The following LAMC1 variants were observed in gnomAD, a reference collection of about 807,000 sequenced individuals.
The protein encoded by LAMC1 is laminin subunit gamma-1.
LAMC1 carries 38 observed loss-of-function variants against 173.6 expected under a neutral mutation model. The observed-to-expected ratio is 0.22, with a 90% CI of 0.17 to 0.29. The LOEUF is 0.29. LAMC1 is among the 10% of genes least tolerant of loss of function. The pLI is 1.00. For synonymous variants in LAMC1, 746 were observed against 749.1 expected, an observed-to-expected ratio of 1.00 and a Z score of 0.07; for missense variants, 1,824 against 2,051.8, an observed-to-expected ratio of 0.89 and a Z score of 2.14.
chr1:183,071,077 GT>G (rs1289934635), intron 1 of LAMC1, among the ~76,000 whole-genome samples: 1 of 148,386 alleles, frequency 6.7e-6, no homozygotes, highest in East Asian at 1.9e-4. Context: ...AGGAAGCTGG[GT>G]TTTTTTTGTT....
intron 1 of LAMC1, among the ~76,000 whole-genome samples, chr1:183,067,786 G>C (rs1654912468): frequency 6.6e-6 from 1 of 152,022 alleles, no homozygotes; most frequent in African/African-American, 2.4e-5. Flanking sequence ...CACCACGCCT[G>C]GCCACTTGTC....
chr1:183,050,306 CAG>C (rs1358170948), intron 1 of LAMC1, among the ~76,000 whole-genome samples: 5 of 124,460 alleles, frequency 4.0e-5, no homozygotes, highest in Non-Finnish European at 8.0e-5. Flanking sequence ...TTTTTTGAGA[CAG>C]AGTCTCACTC....
At chr1:183,086,082 A>G (rs1046097607) in intron 1 of LAMC1, among the ~76,000 whole-genome samples, 2 of 152,202 alleles carry the variant, frequency 1.3e-5, no homozygotes, top group Admixed American at 1.3e-4. Context: ...AAATAAATAT[A>G]TGTATATACA....
intron 26 of LAMC1, 124 bp from the exon 27 acceptor site, chr1:183,140,280 C>T: frequency 1.1e-5 from 2 of 174,292 alleles, no homozygotes; most frequent in Non-Finnish European, 2.2e-5. Flanking sequence ...TGAGAGGTTT[C>T]AATTTCCTAA....
chr1:183,034,117 A>T (rs927606852), intron 1 of LAMC1, among the ~76,000 whole-genome samples: 1 of 152,244 alleles, frequency 6.6e-6, no homozygotes, highest in South Asian at 2.1e-4. Context: ...TATGTAAATA[A>T]GACTGCTGGG....
At chr1:183,024,808 G>A (rs539977228) in intron 1 of LAMC1, among the ~76,000 whole-genome samples, 2 of 152,270 alleles carry the variant, frequency 1.3e-5, no homozygotes, top group African/African-American at 4.8e-5. Context: ...CTTGTCCCTG[G>A]GTAAAAAGGC....
chr1:183,111,294 C>T (rs1451234076), intron 4 of LAMC1, among the ~76,000 whole-genome samples: 3 of 152,034 alleles, frequency 2.0e-5, no homozygotes, highest in Non-Finnish European at 4.4e-5. Context: ...ACCATGTTGG[C>T]CAGGCTGGTC....
intron 3 of LAMC1, among the ~76,000 whole-genome samples, chr1:183,109,683 G>A (rs941596757): frequency 6.6e-6 from 1 of 152,170 alleles, no homozygotes; most frequent in African/African-American, 2.4e-5. Flanking sequence ...TGATTCTGAA[G>A]TATTTTAGTG....
At chr1:183,121,641 G>A in intron 11 of LAMC1, 82 bp from the exon 12 acceptor site, 1 of 1,242,474 alleles carries the variant, frequency 8.0e-7, no homozygotes, top group Non-Finnish European at 1.1e-6. Flanking sequence ...TTGGGGTCTA[G>A]TTACTTTTTA....
intron 1 of LAMC1, among the ~76,000 whole-genome samples, chr1:183,039,626 C>T (rs534635911): frequency 1.1e-4 from 17 of 152,256 alleles, no homozygotes; most frequent in African/African-American, 4.1e-4. Context: ...AGCATCAACT[C>T]CTGGGTAGAC....
At chr1:183,107,340 G>A (rs1268233276) in intron 2 of LAMC1, among the ~76,000 whole-genome samples, 1 of 152,150 alleles carries the variant, frequency 6.6e-6, no homozygotes. Context: ...AGGGAGTTGG[G>A]TAGGGGTAGC....
chr1:183,133,462 A>T lies in LAMC1; in HGVS notation c.3761A>T (p.His1254Leu). 6.2e-7 allele frequency: 1 copy of T among 1,614,144 alleles called. No individual in the cohort carries two copies. Among genetic ancestry groups the T allele is most frequent in the South Asian group, 1.1e-5 (1 of 91,080 alleles). ...CTGGAAAAACAAGCTGCCCGAGTACATGAGGAGGCCAAAAGGGCCGGTGAC... is the reference window on the plus strand; with the variant it reads ...CTGGAAAAACAAGCTGCCCGAGTACTTGAGGAGGCCAAAAGGGCCGGTGAC... ...QDLEKQAARV[H>L]EEAKRAGDKA... is the part of the protein sequence containing the mutation. Residue 1254 changes from histidine to leucine, a missense_variant, in exon 22 of 28, where the codon CAT becomes CTT. By Grantham distance (99) the His-to-Leu change is moderately conservative. Transcript: ENST00000258341.
At chr1:183,035,693 C>T (rs1007928951) in intron 1 of LAMC1, among the ~76,000 whole-genome samples, 10 of 152,036 alleles carry the variant, frequency 6.6e-5, no homozygotes, top group African/African-American at 1.9e-4. Context: ...TTATGCCAAG[C>T]GGAAAAGTTA....
chr1:183,119,523 G>A (rs1656412727), intron 11 of LAMC1, among the ~76,000 whole-genome samples: 1 of 152,088 alleles, frequency 6.6e-6, no homozygotes, highest in South Asian at 2.1e-4. Context: ...AAACAGTTAA[G>A]TCCATGCTCT....
At chr1:183,028,065 G>A (rs1408467569) in intron 1 of LAMC1, among the ~76,000 whole-genome samples, 1 of 151,866 alleles carries the variant, frequency 6.6e-6, no homozygotes, top group Non-Finnish European at 1.5e-5. Flanking sequence ...ACAGTTCACT[G>A]CTTTTTCTCC....
At chr1:183,132,351 C>T (rs780630160) in intron 20 of LAMC1, 49 bp from the exon 21 acceptor site, 3 of 1,428,742 alleles carry the variant, frequency 2.1e-6, no homozygotes, top group Middle Eastern at 1.8e-4. Flanking sequence ...TTACTTATGT[C>T]CCTATCAGAT....
chr1:183,033,024 TA>T (rs1653884682), intron 1 of LAMC1, among the ~76,000 whole-genome samples: 1 of 152,192 alleles, frequency 6.6e-6, no homozygotes, highest in Non-Finnish European at 1.5e-5. Context: ...ATTCCTTGAA[TA>T]AAAAAATGAA....
rs775826417 is a variant in LAMC1, at chr1:183,128,628, A to C, written c.3158A>C (p.Glu1053Ala). The change falls in exon 18 of 28, where the codon GAG becomes GCG. Residue 1053 changes from glutamate to alanine, a missense_variant. By Grantham distance (107) the Glu-to-Ala change is moderately radical (BLOSUM62 -1). Transcript: ENST00000258341. ...ADHRVKLQEL[E>A]SLIANLGTGD... ...CATAGAGTGAAGCTCCAGGAATTAG[A>C]GAGTCTCATAGCAAACCTTGGAACT... 1.2e-6 allele frequency: 2 copies of C among 1,613,380 alleles called. No homozygotes were observed. The highest frequency in any genetic ancestry group is 4.5e-5 in the East Asian group (2 of 44,884).
intron 1 of LAMC1, among the ~76,000 whole-genome samples, chr1:183,080,211 T>C (rs1446954424): frequency 6.6e-6 from 1 of 152,226 alleles, no homozygotes; most frequent in East Asian, 1.9e-4. Context: ...GCCATTGCAC[T>C]TTAGCCTGGG....
Sources: gnomAD v4.1 joint callset for allele counts (sites outside exome capture counted in the v4.1 genomes callset) on GRCh38, gnomAD v4.1.1 for gene constraint, MANE v1.5 for transcripts, NCBI Gene and HGNC (gene_info 2026-07-23, HGNC 2026-07-21) for gene names.